Variants in DHRSX observed in about 807,000 individuals in gnomAD.
DHRSX encodes dehydrogenase/reductase X-linked, also known as polyprenol dehydrogenase.
DHRSX carries 31 observed loss-of-function variants against 34.0 expected under a neutral mutation model. The observed-to-expected ratio is 0.91, with a 90% CI of 0.69 to 1.23. The LOEUF (loss-of-function observed/expected upper bound fraction) is 1.23, where lower values mean the gene tolerates loss of function less well. Among genes scored for constraint, DHRSX ranks in the 50% most tolerant of loss-of-function variants. The probability of loss-of-function intolerance (pLI) is 0.00; values close to 1 mark genes in which losing one functional copy is unlikely to be tolerated. For missense variants in DHRSX, 414 were observed against 428.1 expected (o/e 0.97, Z 0.29); for synonymous variants, 201 against 183.8 (o/e 1.09, Z -0.76).
At chrX:2,257,597 G>C (rs941931648) in intron 5 of DHRSX, among the ~76,000 whole-genome samples, 1 of 152,136 alleles carries the variant, frequency 6.6e-6, no homozygotes, top group African/African-American at 2.4e-5. Context: ...AACTCAGAAA[G>C]ATGACCTTAT....
At chrX:2,419,965 T>C (rs1181759953) in intron 2 of DHRSX, among the ~76,000 whole-genome samples, 1 of 152,012 alleles carries the variant, frequency 6.6e-6, no homozygotes, top group Non-Finnish European at 1.5e-5. Context: ...ACTTAAAGTA[T>C]AATAATAAAA....
chrX:2,293,211 G>T (rs1425820848), intron 3 of DHRSX, among the ~76,000 whole-genome samples: 1 of 150,530 alleles, frequency 6.6e-6, no homozygotes, highest in Non-Finnish European at 1.5e-5. Context: ...TTCCCAGTGG[G>T]TCTCCATCGC....
chrX:2,398,540 C>T (rs184751136), intron 3 of DHRSX, among the ~76,000 whole-genome samples: 2 of 152,194 alleles, frequency 1.3e-5, no homozygotes, highest in Admixed American at 1.3e-4. Context: ...ATCTGGGAGG[C>T]CCATGTGTGG....
intron 3 of DHRSX, among the ~76,000 whole-genome samples, chrX:2,354,509 T>C (rs1439941834): frequency 6.6e-6 from 1 of 152,232 alleles, no homozygotes; most frequent in East Asian, 1.9e-4. Context: ...TCAGCCAGGC[T>C]GGAGTGCAGT....
chrX:2,311,600 G>A (rs148480230), intron 3 of DHRSX, among the ~76,000 whole-genome samples: 71 of 152,320 alleles, frequency 4.7e-4, no homozygotes, highest in African/African-American at 1.7e-3. Context: ...AAGAGCTTGT[G>A]TAAGTAAAGA....
intron 2 of DHRSX, among the ~76,000 whole-genome samples, chrX:2,411,794 T>C (rs925134330): frequency 2.0e-4 from 29 of 148,478 alleles, no homozygotes; most frequent in African/African-American, 7.1e-4. Context: ...TGGGACGAAG[T>C]AAGATGGGAG....
At chrX:2,254,710 G>A (rs1481284090) in intron 5 of DHRSX, among the ~76,000 whole-genome samples, 1 of 151,658 alleles carries the variant, frequency 6.6e-6, no homozygotes, top group African/African-American at 2.4e-5. Context: ...GCAGTGGTGC[G>A]ATCTCGGCTC....
intron 4 of DHRSX, among the ~76,000 whole-genome samples, chrX:2,277,439 A>C (rs1177328665): frequency 1.4e-5 from 1 of 70,168 alleles, no homozygotes; most frequent in African/African-American, 4.4e-5. Context: ...AGAGAGAAAG[A>C]GAGATGGAGA....
intron 3 of DHRSX, among the ~76,000 whole-genome samples, chrX:2,370,679 A>C (rs2043047132): frequency 6.6e-6 from 1 of 151,192 alleles, no homozygotes; most frequent in African/African-American, 2.4e-5. Context: ...CTCCAAATTC[A>C]CATTCTTTAT....
intron 5 of DHRSX, among the ~76,000 whole-genome samples, chrX:2,258,476 A>G (rs886571097): frequency 6.6e-6 from 1 of 152,026 alleles, no homozygotes; most frequent in African/African-American, 2.4e-5. Flanking sequence ...AAGACACCTC[A>G]TAAGAGGAGG....
chrX:2,303,877 G>GTGGATGGATGGA (rs1391288726), intron 3 of DHRSX, among the ~76,000 whole-genome samples: 1 of 56,208 alleles, frequency 1.8e-5, no homozygotes, highest in African/African-American at 5.9e-5. Context: ...GGGTGGATGG[G>GTGGATGGATGGA]TGGATGGATG....
At chrX:2,397,663 T>A (rs2043428813) in intron 3 of DHRSX, among the ~76,000 whole-genome samples, 1 of 151,328 alleles carries the variant, frequency 6.6e-6, no homozygotes, top group Non-Finnish European at 1.5e-5. Flanking sequence ...TTAACAACAC[T>A]CATTAATTCT....
chrX:2,411,418 G>A (rs146732440), intron 2 of DHRSX, among the ~76,000 whole-genome samples: 25,582 of 151,760 alleles, frequency 0.17, 2,255 homozygotes, highest in South Asian at 0.25. Flanking sequence ...GCATGGTGAT[G>A]TGTGCCTGTA....
chrX:2,405,105 A>G (rs1489599042), intron 3 of DHRSX, among the ~76,000 whole-genome samples: 1 of 152,014 alleles, frequency 6.6e-6, no homozygotes, highest in East Asian at 1.9e-4. Flanking sequence ...AAGGTGTTTC[A>G]CAGCAGCTTA....
At chrX:2,302,319 T>TG (rs2042021730) in intron 3 of DHRSX, among the ~76,000 whole-genome samples, 1 of 151,906 alleles carries the variant, frequency 6.6e-6, no homozygotes, top group African/African-American at 2.4e-5. Context: ...CTTAGAGAAA[T>TG]ACAGTTGGGT....
At chrX:2,435,876 G>A (rs2043984710) in intron 1 of DHRSX, among the ~76,000 whole-genome samples, 2 of 152,226 alleles carry the variant, frequency 1.3e-5, no homozygotes, top group Non-Finnish European at 2.9e-5. Context: ...CTTGATCCTA[G>A]TACAGTTGTT....
intron 3 of DHRSX, among the ~76,000 whole-genome samples, chrX:2,315,173 A>G (rs1168914130): frequency 6.6e-6 from 1 of 151,980 alleles, no homozygotes; most frequent in African/African-American, 2.4e-5. Flanking sequence ...AAAAAAAAAA[A>G]AACGTTAGGT....
intron 2 of DHRSX, among the ~76,000 whole-genome samples, chrX:2,410,831 G>C (rs2043618157): frequency 6.6e-6 from 1 of 152,204 alleles, no homozygotes. Context: ...CTTTGGGGCA[G>C]AGTAAATGGA....
intron 1 of DHRSX, among the ~76,000 whole-genome samples, chrX:2,433,461 T>C (rs997182302): frequency 2.0e-5 from 3 of 152,036 alleles, no homozygotes; most frequent in African/African-American, 7.2e-5. Context: ...TAGGTATACA[T>C]GTGCCACGGT....
Sources: allele counts gnomAD v4.1 joint callset (sites outside exome capture counted in the v4.1 genomes callset), GRCh38; gene constraint gnomAD v4.1.1; transcripts MANE v1.5; gene names NCBI Gene and HGNC (gene_info 2026-07-23, HGNC 2026-07-21).